Variants in PELI2 observed in about 807,000 individuals in gnomAD.
The protein encoded by PELI2 is E3 ubiquitin-protein ligase pellino homolog 2.
A neutral mutation model predicts 42.3 loss-of-function variants in PELI2; 23 were observed. That is an observed-to-expected ratio of 0.54 (90% CI 0.39 to 0.77). PELI2 has a LOEUF of 0.77. Ranked by LOEUF, PELI2 falls within the 30% of genes least tolerant of loss-of-function variation. The probability of loss-of-function intolerance (pLI) is 0.00; values close to 1 mark genes in which losing one functional copy is unlikely to be tolerated. For synonymous variants in PELI2, 245 were observed against 212.2 expected (o/e 1.15, Z -1.34); for missense variants, 463 against 553.2 (o/e 0.84, Z 1.64).
In PELI2 at chr14:56,293,475, A is replaced by G. The variant is rs1889901096; in HGVS notation, c.696+3019A>G. ...GCTTCCACATCTCCCAAACTGGAAT[A>G]ATATTAATACATGTCTAATAGGACT... On this transcript the variant is annotated intron_variant, in intron 5 of 5. Transcript: ENST00000267460. 2.0e-5 allele frequency among the ~76,000 whole-genome samples: 3 copies of G among 150,778 alleles called. 1 individual carries two copies. Among genetic ancestry groups the G allele is most frequent in the African/African-American group, 7.4e-5 (3 of 40,794 alleles).
At chr14:56,268,432 A>G (rs1406816519) in intron 2 of PELI2, among the ~76,000 whole-genome samples, 1 of 152,178 alleles carries the variant, frequency 6.6e-6, no homozygotes, top group African/African-American at 2.4e-5. Flanking sequence ...ATCTCCTTAC[A>G]AAATTTACCA....
chr14:56,234,855 G>T (rs1202688945), intron 2 of PELI2, among the ~76,000 whole-genome samples: 1 of 152,172 alleles, frequency 6.6e-6, no homozygotes, highest in African/African-American at 2.4e-5. Flanking sequence ...GGAGCATGGA[G>T]TTGGTTCCAC....
chr14:56,199,649 A>G (rs1409671724), intron 2 of PELI2, among the ~76,000 whole-genome samples: 2 of 152,222 alleles, frequency 1.3e-5, no homozygotes, highest in African/African-American at 4.8e-5. Context: ...TTTAATGGCT[A>G]CTTTGACACA....
At chr14:56,280,423 AAAAG>A (rs1452667054) in intron 3 of PELI2, among the ~76,000 whole-genome samples, 4 of 152,124 alleles carry the variant, frequency 2.6e-5, no homozygotes, top group African/African-American at 9.7e-5. Flanking sequence ...GAATTTAAAA[AAAAG>A]AGAATTAATG....
chr14:56,252,862 C>T (rs559886827), intron 2 of PELI2, among the ~76,000 whole-genome samples: 11 of 152,258 alleles, frequency 7.2e-5, no homozygotes, highest in African/African-American at 2.4e-4. Context: ...TTCTATGAGG[C>T]CAGCATTATC....
chr14:56,196,087 CTG>C (rs1266876758), intron 2 of PELI2, among the ~76,000 whole-genome samples: 4 of 152,296 alleles, frequency 2.6e-5, no homozygotes, highest in Admixed American at 6.5e-5. Context: ...AATGTTATGA[CTG>C]TGATTTTTAA....
Position 56,118,623 on chromosome 14 carries a change from C to T in PELI2, c.-38C>T. On this transcript the variant is annotated 5_prime_UTR_variant, in exon 1 of 6. Coordinates refer to ENST00000267460, the MANE Select transcript of PELI2 (RefSeq NM_021255.3). ...TCGGCGGGGATCGCGGCGGAGGCGG[C>T]GGCGTCGGCGGCGGCGTCGGCGGCC... 6 of 1,259,972 alleles carry T rather than the reference C, an allele frequency of 4.8e-6. No individual in the cohort carries two copies. The highest frequency in any genetic ancestry group is 5.2e-6 in the Non-Finnish European group (5 of 967,484). The allele number at this position is 1,259,972 out of a possible 1,614,324, so 78.0% of individuals were successfully genotyped here.
At position 56,180,628 on chromosome 14, in the gene PELI2, T is replaced by C. The variant is rs934919266; in HGVS notation, c.207+2164T>C. ...TATTGTGAGCAGATCAACCACACCATGTTGCCTTTCAGACTCTCAAACTCT... is the reference window on the plus strand; with the variant it reads ...TATTGTGAGCAGATCAACCACACCACGTTGCCTTTCAGACTCTCAAACTCT... On this transcript the variant is annotated intron_variant, in intron 2 of 5. Coordinates refer to ENST00000267460, the MANE Select transcript of PELI2 (RefSeq NM_021255.3). This position sits in a 1 kb window ranked among gnomAD's most constrained non-coding sequence, Gnocchi z 4.4. Among the ~76,000 whole-genome samples, 4 of 152,200 alleles carry C rather than the reference T, an allele frequency of 2.6e-5. No individual in the cohort carries two copies. The highest frequency in any genetic ancestry group is 9.7e-5 in the African/African-American group (4 of 41,446).
intron 2 of PELI2, among the ~76,000 whole-genome samples, chr14:56,248,420 C>G (rs1888233526): frequency 6.6e-6 from 1 of 151,676 alleles, no homozygotes; most frequent in Non-Finnish European, 1.5e-5. Flanking sequence ...TTAAAACAGC[C>G]CAGAAAAAGA....
chr14:56,215,212 C>A (rs527918130), intron 2 of PELI2, among the ~76,000 whole-genome samples: 27 of 152,208 alleles, frequency 1.8e-4, no homozygotes, highest in Non-Finnish European at 3.5e-4. Flanking sequence ...TCTTTCCTAT[C>A]TTCAGAAGTG....
chr14:56,175,855 T>C (rs1885358836), intron 1 of PELI2, among the ~76,000 whole-genome samples: 1 of 152,210 alleles, frequency 6.6e-6, no homozygotes, highest in Non-Finnish European at 1.5e-5. Flanking sequence ...TCTGGGCCAA[T>C]AGAAACCCTT....
chr14:56,136,276 A>C (rs1250326851), intron 1 of PELI2, among the ~76,000 whole-genome samples: 1 of 152,236 alleles, frequency 6.6e-6, no homozygotes, highest in Non-Finnish European at 1.5e-5. Flanking sequence ...TGAGGTCCAC[A>C]GTGTCTCTGG....
chr14:56,125,215 G>T (rs1883207980), intron 1 of PELI2, among the ~76,000 whole-genome samples: 1 of 152,136 alleles, frequency 6.6e-6, no homozygotes, highest in South Asian at 2.1e-4. Context: ...AGTGACTCAA[G>T]ATACTGACTG....
Position 56,288,313 on chromosome 14 carries a change from A to G in PELI2, c.310-124A>G, listed in dbSNP as rs1889708095. The G allele has an allele frequency of 1.4e-5, 10 of 716,684 alleles. No homozygotes were observed. The highest frequency in any genetic ancestry group is 1.1e-4 in the South Asian group (6 of 54,088). 44.4% of individuals were successfully genotyped at this position (716,684 alleles called of 1,614,324 possible). ...GGAGCACGAATGAAAATCTTGCATT[A>G]AATTCTAACCCTCAGAACAAGGATA... is the stretch of plus-strand genomic sequence containing the variant. On this transcript the variant is annotated intron_variant, in intron 3 of 5. Coordinates refer to ENST00000267460, the MANE Select transcript of PELI2 (RefSeq NM_021255.3). This position sits in a 1 kb window ranked among gnomAD's most constrained non-coding sequence, Gnocchi z 4.6.
At chr14:56,167,440 A>G (rs971316860) in intron 1 of PELI2, among the ~76,000 whole-genome samples, 10 of 152,162 alleles carry the variant, frequency 6.6e-5, no homozygotes, top group African/African-American at 7.2e-5. Flanking sequence ...AGCTTGATCC[A>G]CACTGCTATT....
intron 1 of PELI2, among the ~76,000 whole-genome samples, chr14:56,120,377 A>G (rs1883017232): frequency 6.6e-6 from 1 of 152,192 alleles, no homozygotes; most frequent in Non-Finnish European, 1.5e-5. Flanking sequence ...GATGTTTCAG[A>G]AAAGCAGCGA....
intron 1 of PELI2, among the ~76,000 whole-genome samples, chr14:56,166,775 G>GT (rs35331071): frequency 0.41 from 62,061 of 150,688 alleles, 13,268 homozygotes; most frequent in South Asian, 0.53. Flanking sequence ...TTGTTGATTG[G>GT]TTTTTTTTTC....
chr14:56,130,446 G>GT lies in PELI2; in HGVS notation c.77+11718dup, dbSNP rs1218425898. On this transcript the variant is annotated intron_variant, in intron 1 of 5. Coordinates refer to ENST00000267460, the MANE Select transcript of PELI2 (RefSeq NM_021255.3). ...AAGCAGTTTTGTATGTTTTTATTTT[G>GT]TTTTTTTTTAACCAAACCCTTGCCA... Among the ~76,000 whole-genome samples, 49 of 62,624 alleles carry GT rather than the reference G, an allele frequency of 7.8e-4. No homozygotes were observed. The South Asian group carries it at 0.01, about 13-fold the overall frequency. The allele number at this position is 62,624 out of a possible 152,430, so 41.1% of individuals were successfully genotyped here.
At chr14:56,210,990 TA>T (rs1175607699) in intron 2 of PELI2, among the ~76,000 whole-genome samples, 3 of 152,342 alleles carry the variant, frequency 2.0e-5, no homozygotes, top group African/African-American at 7.2e-5. Context: ...TGGTCTTAAG[TA>T]ACTACCAAGA....
Sources: allele counts gnomAD v4.1 joint callset (sites outside exome capture counted in the v4.1 genomes callset), GRCh38; gene constraint gnomAD v4.1.1; non-coding constraint Gnocchi (gnomAD v3.1); transcripts MANE v1.5; gene names NCBI Gene and HGNC (gene_info 2026-07-23, HGNC 2026-07-21).